The following SPOCK3 variants were observed in gnomAD, a reference collection of about 807,000 sequenced individuals.
SPOCK3 encodes testican-3.
SPOCK3 carries 30 observed loss-of-function variants against 56.6 expected under a neutral mutation model. The observed-to-expected ratio is 0.53, with a 90% CI of 0.40 to 0.72. The LOEUF (loss-of-function observed/expected upper bound fraction) is 0.72. Among genes scored for constraint, SPOCK3 ranks in the 30% least tolerant of loss-of-function variants. SPOCK3 has a pLI of 0.00. For synonymous variants in SPOCK3, 196 were observed against 183.3 expected (o/e 1.07, Z -0.56); for missense variants, 527 against 530.0 (o/e 0.99, Z 0.06).
intron 2 of SPOCK3, among the ~76,000 whole-genome samples, chr4:167,120,299 A>G (rs930834770): frequency 6.6e-6 from 1 of 151,978 alleles, no homozygotes; most frequent in Non-Finnish European, 1.5e-5. Context: ...TTTATCCTAG[A>G]GGGTTGATGT....
intron 3 of SPOCK3, among the ~76,000 whole-genome samples, chr4:167,057,434 C>T (rs1446183430): frequency 6.6e-6 from 1 of 151,842 alleles, no homozygotes; most frequent in East Asian, 1.9e-4. Context: ...TCACACATAA[C>T]AATATTAACT....
chr4:167,224,014 A>G (rs1162102368), intron 2 of SPOCK3, among the ~76,000 whole-genome samples: 7 of 152,140 alleles, frequency 4.6e-5, no homozygotes, highest in African/African-American at 1.7e-4. Flanking sequence ...CTATTCATAT[A>G]TAAAATACAG....
chr4:166,767,182 A>G (rs1738207567), intron 7 of SPOCK3, among the ~76,000 whole-genome samples: 1 of 151,744 alleles, frequency 6.6e-6, no homozygotes, highest in Non-Finnish European at 1.5e-5. Context: ...TTGTGTCTCT[A>G]TTTCCTTCAG....
intron 6 of SPOCK3, among the ~76,000 whole-genome samples, chr4:166,873,115 C>A (rs1461719693): frequency 6.6e-6 from 1 of 151,790 alleles, no homozygotes; most frequent in Non-Finnish European, 1.5e-5. Flanking sequence ...CCCAACACCA[C>A]CAGACTGGGA....
chr4:167,114,343 G>A (rs1761156086), intron 2 of SPOCK3, among the ~76,000 whole-genome samples: 1 of 152,134 alleles, frequency 6.6e-6, no homozygotes, highest in African/African-American at 2.4e-5. Context: ...AGAAAAAGAT[G>A]CTGATAAGCT....
intron 2 of SPOCK3, among the ~76,000 whole-genome samples, chr4:167,181,887 T>C (rs1731490315): frequency 6.6e-6 from 1 of 152,170 alleles, no homozygotes; most frequent in Non-Finnish European, 1.5e-5. Flanking sequence ...TTTTTGTTCC[T>C]ATGTGTCTTC....
chr4:167,149,385 C>T (rs1206385017), intron 2 of SPOCK3, among the ~76,000 whole-genome samples: 2 of 151,940 alleles, frequency 1.3e-5, no homozygotes, highest in Non-Finnish European at 2.9e-5. Flanking sequence ...GTGCTTCTGG[C>T]TAAAAACTGT....
intron 4 of SPOCK3, among the ~76,000 whole-genome samples, chr4:166,967,778 C>A (rs1744902531): frequency 6.6e-6 from 1 of 152,076 alleles, no homozygotes; most frequent in African/African-American, 2.4e-5. Flanking sequence ...AATGTGGAGG[C>A]AACTTTGGAA....
chr4:166,921,354 T>C (rs1169798614), intron 4 of SPOCK3, among the ~76,000 whole-genome samples: 2 of 151,224 alleles, frequency 1.3e-5, no homozygotes, highest in Non-Finnish European at 2.9e-5. Context: ...AGACTGAGTC[T>C]TACACTATTG....
intron 7 of SPOCK3, among the ~76,000 whole-genome samples, chr4:166,770,458 T>C (rs4859978): frequency 0.33 from 49,642 of 151,948 alleles, 8,293 homozygotes; most frequent in Admixed American, 0.41. Flanking sequence ...TTAGTTCCAT[T>C]TGCCATGTAA....
chr4:166,755,713 A>G (rs888389208), intron 7 of SPOCK3, among the ~76,000 whole-genome samples: 1 of 152,094 alleles, frequency 6.6e-6, no homozygotes, highest in Admixed American at 6.6e-5. Flanking sequence ...ATCTTCAACA[A>G]CAGGGTTTGA....
intron 7 of SPOCK3, among the ~76,000 whole-genome samples, chr4:166,776,764 TA>T (rs752066548): frequency 1.3e-5 from 2 of 152,144 alleles, no homozygotes; most frequent in Non-Finnish European, 2.9e-5. Flanking sequence ...GAGCATTCTT[TA>T]ATTGTAAAAA....
intron 2 of SPOCK3, among the ~76,000 whole-genome samples, chr4:167,098,713 G>A (rs1759376547): frequency 6.6e-6 from 1 of 150,852 alleles, no homozygotes; most frequent in Non-Finnish European, 1.5e-5. Context: ...TTATTTTTCT[G>A]TTCCCAGCAT....
At chr4:166,788,053 ACACCAGTAATC>A (rs1488028630) in intron 7 of SPOCK3, among the ~76,000 whole-genome samples, 1 of 152,104 alleles carries the variant, frequency 6.6e-6, no homozygotes, top group Non-Finnish European at 1.5e-5. Flanking sequence ...GTGGTGGCAC[ACACCAGTAATC>A]CCAGCTATTT....
At chr4:167,143,151 A>T (rs1038194195) in intron 2 of SPOCK3, among the ~76,000 whole-genome samples, 2 of 151,984 alleles carry the variant, frequency 1.3e-5, no homozygotes, top group African/African-American at 4.8e-5. Flanking sequence ...TGCATACGCT[A>T]CTCAGATAAC....
chr4:167,136,249 A>G (rs1444386300), intron 2 of SPOCK3, among the ~76,000 whole-genome samples: 1 of 151,896 alleles, frequency 6.6e-6, no homozygotes, highest in African/African-American at 2.4e-5. Context: ...ATGGCCATCT[A>G]GGAACAGAGG....
intron 4 of SPOCK3, among the ~76,000 whole-genome samples, chr4:166,937,016 CTTAT>C (rs760983442): frequency 3.3e-5 from 5 of 151,962 alleles, no homozygotes; most frequent in Non-Finnish European, 4.4e-5. Context: ...ACATTGAGAA[CTTAT>C]TTATTTATTT....
chr4:167,109,675 T>A (rs1013147804), intron 2 of SPOCK3, among the ~76,000 whole-genome samples: 2 of 148,164 alleles, frequency 1.3e-5, no homozygotes, highest in African/African-American at 5.0e-5. Flanking sequence ...AAAGAGAAAC[T>A]CTTGAAGCAT....
chr4:166,808,859 TTC>T lies in SPOCK3; in HGVS notation c.590-16572_590-16571del, dbSNP rs1299494563. Among the ~76,000 whole-genome samples the T allele has an allele frequency of 5.3e-5, 8 of 152,118 alleles. 1 individual carries two copies. Among genetic ancestry groups the T allele is most frequent in the African/African-American group, 1.9e-4 (8 of 41,434 alleles). ...ATGGGTTCTCATGGATTAGGAATATTTCTGTTTGATGGTGTGAAAACCTCATT... is the reference window on the plus strand; with the variant it reads ...ATGGGTTCTCATGGATTAGGAATATTTGTTTGATGGTGTGAAAACCTCATT... On this transcript the variant is annotated intron_variant, in intron 6 of 10. Coordinates refer to ENST00000357545, the MANE Select transcript of SPOCK3 (RefSeq NM_001040159.2).
Sources: allele counts gnomAD v4.1 joint callset (sites outside exome capture counted in the v4.1 genomes callset), GRCh38; gene constraint gnomAD v4.1.1; transcripts MANE v1.5; gene names NCBI Gene and HGNC (gene_info 2026-07-23, HGNC 2026-07-21).